The following WDFY4 variants were observed in gnomAD, a reference collection of about 807,000 sequenced individuals.
WDFY4 encodes WD repeat- and FYVE domain-containing protein 4.
In WDFY4, 169 loss-of-function variants were observed where a neutral mutation model predicts 351.9. The ratio of observed to expected loss-of-function variants is 0.48; its 90% CI spans 0.42 to 0.55. The LOEUF is 0.55. Ranked by LOEUF, WDFY4 falls within the 20% of genes least tolerant of loss-of-function variation. The probability of loss-of-function intolerance (pLI) is 0.00; values close to 1 mark genes in which losing one functional copy is unlikely to be tolerated. For synonymous variants in WDFY4, 1,622 were observed against 1,574.6 expected (o/e 1.03, Z -0.71); for missense variants, 3,803 against 3,935.6 (o/e 0.97, Z 0.90).
intron 44 of WDFY4, among the ~76,000 whole-genome samples, chr10:48,897,129 T>C (rs933344765): frequency 1.3e-5 from 2 of 152,114 alleles, no homozygotes; most frequent in African/African-American, 4.8e-5. Flanking sequence ...CCGACCCTCA[T>C]ACCCTTTGTC....
intron 35 of WDFY4, chr10:48,823,134 G>A (rs770781828): frequency 8.1e-5 from 106 of 1,301,758 alleles, no homozygotes; most frequent in South Asian, 1.9e-4. Context: ...AGAGAGAATC[G>A]TACAATCTCA....
At chr10:48,776,352 A>G (rs1248973513) in intron 15 of WDFY4, among the ~76,000 whole-genome samples, 1 of 152,226 alleles carries the variant, frequency 6.6e-6, no homozygotes, top group East Asian at 1.9e-4. Context: ...TGGGGCTGAC[A>G]GCTGCGGTGG....
At chr10:48,758,821 G>T (rs1411551005) in intron 12 of WDFY4, among the ~76,000 whole-genome samples, 1 of 151,956 alleles carries the variant, frequency 6.6e-6, no homozygotes, top group Admixed American at 6.6e-5. Context: ...TTACTTCTTG[G>T]AATTGGGTTA....
chr10:48,729,190 T>C (rs1306994702), intron 7 of WDFY4, among the ~76,000 whole-genome samples: 1 of 152,262 alleles, frequency 6.6e-6, no homozygotes, highest in Non-Finnish European at 1.5e-5. Context: ...AGTGACTTCC[T>C]GTGAGCAGAT....
At chr10:48,794,857 C>T (rs1330416867) in intron 23 of WDFY4, among the ~76,000 whole-genome samples, 1 of 152,060 alleles carries the variant, frequency 6.6e-6, no homozygotes, top group Non-Finnish European at 1.5e-5. Context: ...GAGGCAGTGG[C>T]TGGCTGATGC....
chr10:48,824,997 C>T (rs11101524), intron 35 of WDFY4, among the ~76,000 whole-genome samples: 29,182 of 151,996 alleles, frequency 0.19, 3,759 homozygotes, highest in African/African-American at 0.37. Context: ...GCAGGATGTG[C>T]AGGTTTGTTA....
chr10:48,969,990 C>A, intron 56 of WDFY4, 141 bp from the exon 57 acceptor site: 1 of 1,052,880 alleles, frequency 9.5e-7, no homozygotes, highest in Non-Finnish European at 1.3e-6. Flanking sequence ...TGGATTTTGT[C>A]ACCAAGAACT....
intron 52 of WDFY4, among the ~76,000 whole-genome samples, chr10:48,958,895 T>C (rs954235440): frequency 1.3e-5 from 2 of 152,114 alleles, no homozygotes; most frequent in African/African-American, 4.8e-5. Flanking sequence ...GGCAGCTCAG[T>C]AGCCAAGAGA....
Position 48,830,893 on chromosome 10 carries a change from T to A in WDFY4, c.6526+8T>A, listed in dbSNP as rs758582104. The A allele has an allele frequency of 6.5e-7, 1 of 1,547,206 alleles. No homozygotes were observed. The highest frequency in any genetic ancestry group is 8.7e-7 in the Non-Finnish European group (1 of 1,143,764). The stretch of plus-strand genomic sequence containing the variant: ...CCTGGCAGCATTACTTAGGTCTCTA[T>A]CCACTCGGCTCCAGGGAATGGGAAC... On this transcript the variant is annotated splice_region_variant and intron_variant, in intron 38 of 61. Coordinates refer to ENST00000325239, the MANE Select transcript of WDFY4 (RefSeq NM_001394531.1).
At chr10:48,829,577 C>T (rs1175969537) in intron 37 of WDFY4, among the ~76,000 whole-genome samples, 1 of 152,168 alleles carries the variant, frequency 6.6e-6, no homozygotes, top group Non-Finnish European at 1.5e-5. Context: ...CGACCAGGTG[C>T]AGTGGCTTAC....
chr10:48,895,683 G>T (rs1837041649), intron 44 of WDFY4, among the ~76,000 whole-genome samples: 1 of 152,218 alleles, frequency 6.6e-6, no homozygotes, highest in African/African-American at 2.4e-5. Context: ...AGGCATTTCA[G>T]TTATTTCCAG....
chr10:48,700,938 A>G (rs2063462787), intron 1 of WDFY4, among the ~76,000 whole-genome samples: 1 of 152,230 alleles, frequency 6.6e-6, no homozygotes, highest in African/African-American at 2.4e-5. Flanking sequence ...ATAACATAAG[A>G]TTCACCATCG....
At chr10:48,787,804 CTCCTCTTCT>C (rs879702183) in intron 20 of WDFY4, among the ~76,000 whole-genome samples, 1,267 of 70,724 alleles carry the variant, frequency 0.018, 58 homozygotes, top group Middle Eastern at 0.068. Context: ...CCTCCTCCTC[CTCCTCTTCT>C]TCTTCTTCTT....
chr10:48,766,666 G>A (rs964916375), intron 13 of WDFY4, among the ~76,000 whole-genome samples: 10 of 152,332 alleles, frequency 6.6e-5, no homozygotes, highest in Admixed American at 2.0e-4. Context: ...GGGATAAAAA[G>A]CAAGCTTCCA....
At chr10:48,829,993 A>ATTC (rs2068133674) in intron 37 of WDFY4, among the ~76,000 whole-genome samples, 1 of 152,180 alleles carries the variant, frequency 6.6e-6, no homozygotes, top group Non-Finnish European at 1.5e-5. Flanking sequence ...TGGCCAGTAG[A>ATTC]GCTGGGCTGG....
intron 18 of WDFY4, 141 bp from the exon 19 acceptor site, chr10:48,779,797 CTGT>C: frequency 1.3e-6 from 1 of 752,042 alleles, no homozygotes; most frequent in South Asian, 1.9e-5. Context: ...ATTGCTGCTG[CTGT>C]TGTCATTTTT....
At chr10:48,689,267 T>C (rs1404249984) in intron 1 of WDFY4, among the ~76,000 whole-genome samples, 11 of 152,214 alleles carry the variant, frequency 7.2e-5, no homozygotes, top group African/African-American at 2.4e-5. Context: ...TCCTAAACCC[T>C]TGGCTGCCAG....
At chr10:48,781,647 A>G (rs1410286947) in intron 19 of WDFY4, among the ~76,000 whole-genome samples, 2 of 152,212 alleles carry the variant, frequency 1.3e-5, no homozygotes, top group South Asian at 2.1e-4. Flanking sequence ...TTCAAAACAT[A>G]GTTAACCTTT....
In WDFY4 at chr10:48,724,024, C is replaced by G. The variant is rs981661623; in HGVS notation, c.591+457C>G. 2.6e-5 allele frequency among the ~76,000 whole-genome samples: 4 copies of G among 152,152 alleles called. No homozygotes were observed. The East Asian group carries it at 7.7e-4, about 29-fold the overall frequency. ...GAAGACATCTCAGGCCTCTAAGCAT[C>G]AAATGCAATTTCCTTCTGTCATTCC... On this transcript the variant is annotated intron_variant, in intron 5 of 61. Coordinates refer to ENST00000325239, the MANE Select transcript of WDFY4 (RefSeq NM_001394531.1).
Sources: allele counts gnomAD v4.1 joint callset (sites outside exome capture counted in the v4.1 genomes callset), GRCh38; gene constraint gnomAD v4.1.1; transcripts MANE v1.5; gene names NCBI Gene and HGNC (gene_info 2026-07-23, HGNC 2026-07-21).